PLPPR1: variants seen among roughly 807,000 people sequenced by gnomAD.
PLPPR1 encodes phospholipid phosphatase related 1, also known as phospholipid phosphatase-related protein type 1.
A neutral mutation model predicts 33.1 loss-of-function variants in PLPPR1; 10 were observed. The observed-to-expected ratio is 0.30, with a 90% CI of 0.19 to 0.51. PLPPR1 has a LOEUF of 0.51. Ranked by LOEUF, PLPPR1 falls within the 20% of genes least tolerant of loss-of-function variation. The pLI is 0.97. For synonymous variants in PLPPR1, 151 were observed against 151.0 expected (o/e 1.00, Z 0.00); for missense variants, 304 against 408.1 (o/e 0.74, Z 2.20).
At chr9:101,093,343 A>G (rs898966249) in intron 1 of PLPPR1, among the ~76,000 whole-genome samples, 2 of 152,196 alleles carry the variant, frequency 1.3e-5, no homozygotes, top group Non-Finnish European at 2.9e-5. Context: ...TATGAACGAT[A>G]AAGTAATCAC....
chr9:101,065,378 G>A (rs924772770), intron 1 of PLPPR1, among the ~76,000 whole-genome samples: 5 of 152,138 alleles, frequency 3.3e-5, no homozygotes, highest in African/African-American at 1.2e-4. Context: ...TCAAACCTTT[G>A]GAAATAGGCT....
At chr9:101,079,348 C>G (rs577659530) in intron 1 of PLPPR1, among the ~76,000 whole-genome samples, 1 of 152,240 alleles carries the variant, frequency 6.6e-6, no homozygotes, top group African/African-American at 2.4e-5. Flanking sequence ...TTAATTTACT[C>G]CTTTGTTTTG....
Position 101,068,058 on chromosome 9 carries a change from G to A in PLPPR1, c.-46+38956G>A, listed in dbSNP as rs186726965. 6.6e-5 allele frequency among the ~76,000 whole-genome samples: 10 copies of A among 152,178 alleles called. No individual in the cohort carries two copies. In the East Asian group the frequency reaches 1.7e-3, roughly 27 times the overall value. On this transcript the variant is annotated intron_variant, in intron 1 of 7. Transcript: ENST00000374874. ...CTAAAGTACACATTAGCCCACAAAA[G>A]CCTATTCAGAAAATAATATGGTTGA...
chr9:101,291,458 G>A (rs949255512), intron 4 of PLPPR1, among the ~76,000 whole-genome samples: 1 of 152,206 alleles, frequency 6.6e-6, no homozygotes, highest in South Asian at 2.1e-4. Context: ...GCACGCAGCT[G>A]GAGATCTGAG....
At chr9:101,071,199 G>A (rs1295931171) in intron 1 of PLPPR1, among the ~76,000 whole-genome samples, 2 of 152,100 alleles carry the variant, frequency 1.3e-5, no homozygotes, top group Non-Finnish European at 2.9e-5. Flanking sequence ...GTCTTCTTAG[G>A]AAGTAGCATC....
At chr9:101,171,774 T>TA (rs2118690999) in intron 1 of PLPPR1, among the ~76,000 whole-genome samples, 1 of 152,298 alleles carries the variant, frequency 6.6e-6, no homozygotes, top group South Asian at 2.1e-4. Context: ...TTTGAGAAAT[T>TA]AAATGCAAAT....
chr9:101,072,858 T>A (rs1449707391), intron 1 of PLPPR1, among the ~76,000 whole-genome samples: 2 of 152,204 alleles, frequency 1.3e-5, no homozygotes, highest in African/African-American at 4.8e-5. Flanking sequence ...AGTTCTTGCA[T>A]CCATATGAAA....
At chr9:101,153,084 G>GT (rs1831615977) in intron 1 of PLPPR1, among the ~76,000 whole-genome samples, 1 of 152,134 alleles carries the variant, frequency 6.6e-6, no homozygotes, top group African/African-American at 2.4e-5. Context: ...TTGAGCAGTG[G>GT]TTTGTAGTTC....
In PLPPR1 at chr9:101,183,293, C is replaced by T. The variant is rs190922898; in HGVS notation, c.-45-2157C>T. On this transcript the variant is annotated intron_variant, in intron 1 of 7. Coordinates refer to ENST00000374874, the MANE Select transcript of PLPPR1 (RefSeq NM_207299.2). ...AAATGTCTACCAACTGGTAAAAGTG[C>T]AATAGCCATACAATGGAATATTATT... is the stretch of plus-strand genomic sequence containing the variant. Among the ~76,000 whole-genome samples, 1,246 of 151,656 alleles carry T rather than the reference C, an allele frequency of 8.2e-3. 11 individuals are homozygous for T. The highest frequency in any genetic ancestry group is 0.012 in the Non-Finnish European group (787 of 67,676).
intron 1 of PLPPR1, among the ~76,000 whole-genome samples, chr9:101,099,692 A>G (rs930294893): frequency 6.6e-6 from 1 of 152,166 alleles, no homozygotes; most frequent in Non-Finnish European, 1.5e-5. Context: ...GAGAATGACC[A>G]TGCGTATGTT....
chr9:101,219,045 A>G (rs910930321), intron 2 of PLPPR1, among the ~76,000 whole-genome samples: 2 of 152,190 alleles, frequency 1.3e-5, no homozygotes, highest in Non-Finnish European at 2.9e-5. Flanking sequence ...AGGAAAGGAT[A>G]GTTTTTAAAC....
intron 1 of PLPPR1, among the ~76,000 whole-genome samples, chr9:101,098,925 G>A (rs1473828023): frequency 1.3e-5 from 2 of 152,104 alleles, no homozygotes; most frequent in East Asian, 1.9e-4. Context: ...ATAGATGAGC[G>A]TTTAAAGGCT....
intron 4 of PLPPR1, 79 bp downstream of exon 4, chr9:101,286,315 A>G (rs1180050163): frequency 2.2e-6 from 3 of 1,349,066 alleles, no homozygotes; most frequent in Non-Finnish European, 2.0e-6. Context: ...AAAATAAACT[A>G]TGGAAGTATC....
intron 2 of PLPPR1, among the ~76,000 whole-genome samples, chr9:101,256,765 CA>C (rs977859887): frequency 6.6e-6 from 1 of 152,016 alleles, no homozygotes; most frequent in African/African-American, 2.4e-5. Flanking sequence ...ATGGTCCAAG[CA>C]AAATGTTCCT....
intron 3 of PLPPR1, among the ~76,000 whole-genome samples, chr9:101,281,659 C>A (rs1828306741): frequency 1.3e-5 from 2 of 151,706 alleles, no homozygotes; most frequent in African/African-American, 2.4e-5. Context: ...TGAAGAGTTG[C>A]TTTTTTGAAA....
Position 101,166,450 on chromosome 9 carries a change from G to A in PLPPR1, c.-45-19000G>A, listed in dbSNP as rs117159782. ...TGTTGAACAAAATAGGCAAGAAGTT[G>A]TGAAACTTAGTAATACATTCAGACA... is the stretch of plus-strand genomic sequence containing the variant. On this transcript the variant is annotated intron_variant, in intron 1 of 7. Transcript: ENST00000374874. 9.9e-4 allele frequency among the ~76,000 whole-genome samples: 150 copies of A among 152,212 alleles called. 1 individual carries two copies. Among genetic ancestry groups the A allele is most frequent in the Middle Eastern group, 3.4e-3 (1 of 294 alleles).
chr9:101,048,261 G>T (rs1830177418), intron 1 of PLPPR1, among the ~76,000 whole-genome samples: 1 of 152,182 alleles, frequency 6.6e-6, no homozygotes, highest in Non-Finnish European at 1.5e-5. Flanking sequence ...AAACACTGGG[G>T]CTCCTGAAAA....
In PLPPR1 at chr9:101,185,564, G is replaced by T; in HGVS notation, c.63+7G>T. 1 of 1,589,180 alleles carries T rather than the reference G, an allele frequency of 6.3e-7. No homozygotes were observed. The highest frequency in any genetic ancestry group is 2.3e-5 in the East Asian group (1 of 44,406). ...GTGTTTTATATTTGTTGAGGTATGTGTATTTTTTAACCTTTATGGACAAAT... is the reference window on the plus strand; with the variant it reads ...GTGTTTTATATTTGTTGAGGTATGTTTATTTTTTAACCTTTATGGACAAAT... On this transcript the variant is annotated splice_region_variant and intron_variant, in intron 2 of 7. Coordinates refer to ENST00000374874, the MANE Select transcript of PLPPR1 (RefSeq NM_207299.2).
chr9:101,171,060 C>CA (rs1300112905), intron 1 of PLPPR1, among the ~76,000 whole-genome samples: 2 of 152,146 alleles, frequency 1.3e-5, no homozygotes, highest in African/African-American at 4.8e-5. Flanking sequence ...CCCAAGACAG[C>CA]AATGACTGTC....
Sources: gnomAD v4.1 joint callset for allele counts (sites outside exome capture counted in the v4.1 genomes callset) on GRCh38, gnomAD v4.1.1 for gene constraint, MANE v1.5 for transcripts, NCBI Gene and HGNC (gene_info 2026-07-23, HGNC 2026-07-21) for gene names.